The following KRIT1 variants were observed in gnomAD, a reference collection of about 807,000 sequenced individuals.
KRIT1 encodes the protein KRIT1 ankyrin repeat containing.
KRIT1 carries 45 observed loss-of-function variants against 95.8 expected under a neutral mutation model. The observed-to-expected ratio is 0.47, with a 90% CI of 0.37 to 0.60. The LOEUF is 0.60. KRIT1 is among the 20% of genes least tolerant of loss of function. The pLI is 0.00. For missense variants in KRIT1, 788 were observed against 877.5 expected (o/e 0.90, Z 1.29); for synonymous variants, 282 against 278.8 (o/e 1.01, Z -0.11).
chr7:92,227,289 G>T (rs775836663), intron 10 of KRIT1, among the ~76,000 whole-genome samples: 6 of 152,288 alleles, frequency 3.9e-5, no homozygotes, highest in Non-Finnish European at 8.8e-5. Flanking sequence ...CAGAGGCTGG[G>T]CGCAGTGACT....
intron 12 of KRIT1, among the ~76,000 whole-genome samples, chr7:92,223,196 G>A (rs1032600723): frequency 3.3e-5 from 5 of 150,880 alleles, no homozygotes; most frequent in East Asian, 1.9e-4. Flanking sequence ...TTGGGAGGCC[G>A]AGGCGGGCGG....
At chr7:92,235,733 C>T in intron 7 of KRIT1, 87 bp from the exon 8 acceptor site, 1 of 1,211,312 alleles carries the variant, frequency 8.3e-7, no homozygotes, top group East Asian at 2.4e-5. Context: ...ATATATGACA[C>T]TTGTGAATAT....
At chr7:92,223,649 T>C (rs1584889504) in intron 12 of KRIT1, among the ~76,000 whole-genome samples, 2 of 152,244 alleles carry the variant, frequency 1.3e-5, no homozygotes, top group East Asian at 1.9e-4. Flanking sequence ...CTGAATCTAG[T>C]GTTCGTCAAG....
chr7:92,203,274 C>A (rs1359817887), intron 17 of KRIT1, among the ~76,000 whole-genome samples: 1 of 152,194 alleles, frequency 6.6e-6, no homozygotes, highest in Non-Finnish European at 1.5e-5. Context: ...TGAATGCAAT[C>A]CTAGTAGACC....
chr7:92,213,533 G>A, intron 16 of KRIT1, 132 bp from the exon 17 acceptor site: 1 of 642,850 alleles, frequency 1.6e-6, no homozygotes, highest in South Asian at 1.9e-5. Context: ...ATGGCACATT[G>A]TATCAGGAGT....
intron 14 of KRIT1, 55 bp downstream of exon 14, chr7:92,221,847 A>G: frequency 6.7e-7 from 1 of 1,490,758 alleles, no homozygotes; most frequent in Non-Finnish European, 9.3e-7. Context: ...CTTACAATAG[A>G]AACTCAACAG....
intron 14 of KRIT1, among the ~76,000 whole-genome samples, chr7:92,215,632 G>A (rs768144514): frequency 6.6e-6 from 1 of 150,574 alleles, no homozygotes; most frequent in South Asian, 2.1e-4. Context: ...ACCATGCCTG[G>A]CTAATTTTTA....
intron 14 of KRIT1, among the ~76,000 whole-genome samples, chr7:92,218,119 A>G (rs901068546): frequency 7.2e-5 from 11 of 152,144 alleles, no homozygotes; most frequent in Non-Finnish European, 1.3e-4. Context: ...GTGGATGATC[A>G]TAACTAACTG....
intron 13 of KRIT1, among the ~76,000 whole-genome samples, chr7:92,222,294 T>C (rs960216705): frequency 6.6e-6 from 1 of 152,184 alleles, no homozygotes; most frequent in African/African-American, 2.4e-5. Context: ...TATGAAATCC[T>C]TAATTCCATT....
At chr7:92,240,000 C>T (rs1337307603) in intron 5 of KRIT1, among the ~76,000 whole-genome samples, 3 of 152,018 alleles carry the variant, frequency 2.0e-5, no homozygotes, top group Non-Finnish European at 4.4e-5. Flanking sequence ...TGAGCCACTG[C>T]ACCTCACGTC....
intron 17 of KRIT1, among the ~76,000 whole-genome samples, chr7:92,202,872 G>A (rs1056560648): frequency 3.3e-5 from 5 of 152,010 alleles, no homozygotes; most frequent in African/African-American, 1.2e-4. Context: ...CTTATACATA[G>A]GAGGATATAC....
chr7:92,203,460 A>AAT (rs2131135340), intron 17 of KRIT1, among the ~76,000 whole-genome samples: 1 of 152,334 alleles, frequency 6.6e-6, no homozygotes, highest in Non-Finnish European at 1.5e-5. Flanking sequence ...TCACCTGTTT[A>AAT]GATACCCAAG....
At chr7:92,216,822 C>T (rs1334354721) in intron 14 of KRIT1, among the ~76,000 whole-genome samples, 5 of 152,094 alleles carry the variant, frequency 3.3e-5, no homozygotes, top group Non-Finnish European at 5.9e-5. Context: ...AAACTGACAT[C>T]GTATATTTGA....
chr7:92,222,788 G>A (rs750558977), intron 13 of KRIT1, 34 bp downstream of exon 13: 2 of 1,327,288 alleles, frequency 1.5e-6, no homozygotes, highest in Non-Finnish European at 2.2e-6. Context: ...AAGGAATAAT[G>A]AGGTTTACTA....
intron 1 of KRIT1, 130 bp from the exon 2 acceptor site, chr7:92,245,301 T>C (rs1310321996): frequency 1.3e-5 from 2 of 152,068 alleles, no homozygotes; most frequent in Non-Finnish European, 2.9e-5. Flanking sequence ...GGGAGGTTTT[T>C]TCCTGCGCCA....
intron 17 of KRIT1, among the ~76,000 whole-genome samples, chr7:92,208,276 G>A (rs1044015544): frequency 5.3e-5 from 8 of 151,500 alleles, no homozygotes; most frequent in Admixed American, 1.3e-4. Context: ...AACACTTAAC[G>A]ATGCACCTCA....
At chr7:92,226,444 A>G in intron 11 of KRIT1, 82 bp downstream of exon 11, 1 of 1,068,358 alleles carries the variant, frequency 9.4e-7, no homozygotes, top group Non-Finnish European at 1.5e-6. Flanking sequence ...TGAACTCTCA[A>G]ACATACAATT....
Position 92,213,251 on chromosome 7 carries a change from G to A in KRIT1, c.1969C>T (p.Pro657Ser). ...KASPSNHKVI[P>S]VYVGVNIKGL... ...TTTATATTCACTCCTACATACACAG[G>A]GATGACTTTATGATTGCTGGGGCTT... The change falls in exon 17 of 19, where the codon CCT becomes TCT. Residue 657 changes from proline to serine, a missense_variant. By Grantham distance (74) the Pro-to-Ser change is moderately conservative. Transcript: ENST00000394505. 6.2e-7 allele frequency: 1 copy of A among 1,613,380 alleles called. No homozygotes were observed. Among genetic ancestry groups the A allele is most frequent in the Non-Finnish European group, 8.5e-7 (1 of 1,179,490 alleles).
intron 10 of KRIT1, among the ~76,000 whole-genome samples, chr7:92,230,811 A>T (rs1238630752): frequency 1.3e-5 from 2 of 152,188 alleles, no homozygotes; most frequent in Non-Finnish European, 2.9e-5. Flanking sequence ...TGACGCCTTA[A>T]ATTTTCTTTG....
Sources: gnomAD v4.1 joint callset for allele counts (sites outside exome capture counted in the v4.1 genomes callset) on GRCh38, gnomAD v4.1.1 for gene constraint, MANE v1.5 for transcripts, NCBI Gene and HGNC (gene_info 2026-07-23, HGNC 2026-07-21) for gene names.